CNTNAP2: variants seen among roughly 807,000 people sequenced by gnomAD.
The protein encoded by CNTNAP2 is contactin associated protein 2.
In CNTNAP2, 98 loss-of-function variants were observed where a neutral mutation model predicts 155.2. The observed-to-expected ratio is 0.63, with a 90% CI of 0.54 to 0.75. The LOEUF is 0.75. Ranked by LOEUF, CNTNAP2 falls within the 30% of genes least tolerant of loss-of-function variation. CNTNAP2 has a pLI of 0.00. For missense variants in CNTNAP2, 1,727 were observed against 1,688.1 expected (o/e 1.02, Z -0.40); for synonymous variants, 651 against 631.2 (o/e 1.03, Z -0.47).
chr7:147,805,487 A>G (rs1270675199), intron 13 of CNTNAP2, among the ~76,000 whole-genome samples: 3 of 152,222 alleles, frequency 2.0e-5, no homozygotes, highest in Non-Finnish European at 4.4e-5. Flanking sequence ...GAAAGTGGGC[A>G]TCCTTGTCTT....
At chr7:148,374,559 TG>T (rs763059093) in intron 21 of CNTNAP2, among the ~76,000 whole-genome samples, 2 of 152,136 alleles carry the variant, frequency 1.3e-5, no homozygotes, top group African/African-American at 2.4e-5. Context: ...CTCATTTTTT[TG>T]TATGGTGTTG....
intron 3 of CNTNAP2, among the ~76,000 whole-genome samples, chr7:146,903,381 A>G (rs926542735): frequency 6.6e-6 from 1 of 152,192 alleles, no homozygotes; most frequent in African/African-American, 2.4e-5. Flanking sequence ...AGCAAATTGC[A>G]TACTCAATAA....
chr7:147,224,305 A>T (rs574960547), intron 8 of CNTNAP2, among the ~76,000 whole-genome samples: 1 of 152,310 alleles, frequency 6.6e-6, no homozygotes, highest in East Asian at 1.9e-4. Flanking sequence ...ATGGCTTTAC[A>T]TTTTTAAATG....
At chr7:146,756,294 AACTAAT>A (rs1307917285) in intron 1 of CNTNAP2, among the ~76,000 whole-genome samples, 1 of 152,014 alleles carries the variant, frequency 6.6e-6, no homozygotes. Context: ...TAGTAAAAGC[AACTAAT>A]ACTGGCCTAT....
intron 1 of CNTNAP2, among the ~76,000 whole-genome samples, chr7:146,358,179 T>A (rs894146815): frequency 9.9e-5 from 15 of 151,910 alleles, no homozygotes; most frequent in African/African-American, 3.4e-4. Flanking sequence ...GGAGTACAGG[T>A]GCCCGCCACC....
chr7:146,691,403 T>G (rs2642485), intron 1 of CNTNAP2, among the ~76,000 whole-genome samples: 120,954 of 152,040 alleles, frequency 0.8, 48,723 homozygotes, highest in South Asian at 0.91. Context: ...CTGTAAACAT[T>G]CTCAGAACAC....
At chr7:146,936,315 C>T (rs940645026) in intron 3 of CNTNAP2, among the ~76,000 whole-genome samples, 2 of 152,142 alleles carry the variant, frequency 1.3e-5, no homozygotes, top group Admixed American at 1.3e-4. Context: ...TTTAAGGAAA[C>T]ACATAGATCC....
At chr7:146,152,044 T>C (rs1336555823) in intron 1 of CNTNAP2, among the ~76,000 whole-genome samples, 1 of 151,880 alleles carries the variant, frequency 6.6e-6, no homozygotes, top group Non-Finnish European at 1.5e-5. Context: ...AATCAGTATG[T>C]TGAAAAGATA....
chr7:148,048,206 G>C (rs566015753), intron 15 of CNTNAP2, among the ~76,000 whole-genome samples: 1 of 151,656 alleles, frequency 6.6e-6, no homozygotes, highest in East Asian at 2.0e-4. Flanking sequence ...TTACAGGCGT[G>C]AGCCACCACA....
At chr7:146,439,452 GT>G in intron 1 of CNTNAP2, among the ~76,000 whole-genome samples, 1 of 151,014 alleles carries the variant, frequency 6.6e-6, no homozygotes, top group African/African-American at 2.5e-5. Flanking sequence ...ACATTTTTTT[GT>G]TTGTCTTCTC....
intron 1 of CNTNAP2, among the ~76,000 whole-genome samples, chr7:146,621,944 TATC>T (rs1799325246): frequency 2.0e-5 from 3 of 152,172 alleles, no homozygotes; most frequent in Admixed American, 1.3e-4. Flanking sequence ...AATTTGATTT[TATC>T]ATAATTTGGA....
intron 1 of CNTNAP2, among the ~76,000 whole-genome samples, chr7:146,743,894 C>A (rs886896304): frequency 3.3e-5 from 5 of 152,066 alleles, no homozygotes; most frequent in African/African-American, 1.2e-4. Context: ...AAAAAAATTT[C>A]TTATTTAGCT....
chr7:146,329,848 A>G (rs886253980), intron 1 of CNTNAP2, among the ~76,000 whole-genome samples: 3 of 152,100 alleles, frequency 2.0e-5, no homozygotes, highest in Admixed American at 6.6e-5. Flanking sequence ...CTGCTCAAGC[A>G]TTATATAACG....
intron 16 of CNTNAP2, among the ~76,000 whole-genome samples, chr7:148,124,413 C>A (rs1804669953): frequency 6.6e-6 from 1 of 152,060 alleles, no homozygotes; most frequent in Non-Finnish European, 1.5e-5. Flanking sequence ...TTTCAGTTAC[C>A]CCTAAGGGAT....
At chr7:147,117,456 C>A (rs774502801) in intron 5 of CNTNAP2, among the ~76,000 whole-genome samples, 1 of 152,108 alleles carries the variant, frequency 6.6e-6, no homozygotes, top group Non-Finnish European at 1.5e-5. Flanking sequence ...TTCCTTCATT[C>A]TCCTTGTGTG....
intron 12 of CNTNAP2, among the ~76,000 whole-genome samples, chr7:147,584,097 C>T (rs569527243): frequency 5.3e-5 from 8 of 152,226 alleles, no homozygotes; most frequent in African/African-American, 7.2e-5. Context: ...GTTTCAAGAG[C>T]GTTAGACTAT....
chr7:147,365,826 T>A (rs114312861), intron 9 of CNTNAP2, among the ~76,000 whole-genome samples: 135 of 152,346 alleles, frequency 8.9e-4, no homozygotes, highest in African/African-American at 3.1e-3. Flanking sequence ...CAAAATCCTT[T>A]AGAATTTCCT....
At chr7:148,184,960 G>T (rs1484480952) in intron 18 of CNTNAP2, among the ~76,000 whole-genome samples, 1 of 152,194 alleles carries the variant, frequency 6.6e-6, no homozygotes, top group Non-Finnish European at 1.5e-5. Flanking sequence ...TAATCATTGA[G>T]TCACTGAAAG....
At chr7:147,804,078 C>T (rs556973439) in intron 13 of CNTNAP2, among the ~76,000 whole-genome samples, 3 of 152,248 alleles carry the variant, frequency 2.0e-5, no homozygotes, top group African/African-American at 4.8e-5. Context: ...CAATTTATTA[C>T]CAAATTTTTA....
Sources: allele counts gnomAD v4.1 joint callset (sites outside exome capture counted in the v4.1 genomes callset), GRCh38; gene constraint gnomAD v4.1.1; transcripts MANE v1.5; gene names NCBI Gene and HGNC (gene_info 2026-07-23, HGNC 2026-07-21).